CLCN3: variants seen among roughly 807,000 people sequenced by gnomAD.
The protein encoded by CLCN3 is H(+)/Cl(-) exchange transporter 3.
CLCN3 carries 16 observed loss-of-function variants against 83.4 expected under a neutral mutation model. The ratio of observed to expected loss-of-function variants is 0.19; its 90% CI spans 0.13 to 0.29. CLCN3 has a LOEUF of 0.29. CLCN3 is among the 10% of genes least tolerant of loss of function. The probability of loss-of-function intolerance (pLI) is 1.00; values close to 1 mark genes in which losing one functional copy is unlikely to be tolerated. For synonymous variants in CLCN3, 322 were observed against 346.2 expected, an observed-to-expected ratio of 0.93 and a Z score of 0.78; for missense variants, 544 against 1,006.0, an observed-to-expected ratio of 0.54 and a Z score of 6.21.
At chr4:169,643,510 G>A (rs150890364) in intron 2 of CLCN3, among the ~76,000 whole-genome samples, 327 of 152,170 alleles carry the variant, frequency 2.1e-3, no homozygotes, top group African/African-American at 7.2e-3. Context: ...GATTACAGGC[G>A]TGCACCACTG....
At chr4:169,636,426 T>G (rs1461070974) in intron 2 of CLCN3, among the ~76,000 whole-genome samples, 1 of 152,194 alleles carries the variant, frequency 6.6e-6, no homozygotes, top group East Asian at 1.9e-4. Context: ...AGTGAACATT[T>G]ATTATATAAC....
At chr4:169,702,902 C>T in intron 9 of CLCN3, 1 of 201,650 alleles carries the variant, frequency 5.0e-6, no homozygotes, top group Non-Finnish European at 1.1e-5. Flanking sequence ...TTCAGTTGTA[C>T]ACTTAGAGAC....
intron 12 of CLCN3, among the ~76,000 whole-genome samples, chr4:169,718,285 T>C (rs1451030362): frequency 1.3e-5 from 2 of 151,892 alleles, no homozygotes; most frequent in African/African-American, 4.8e-5. Context: ...TTTCCCGATC[T>C]TGTGGTAGTC....
At position 169,682,215 on chromosome 4, in the gene CLCN3, TATATA is replaced by T. The variant is rs144658106; in HGVS notation, c.318+2017_318+2021del. The stretch of plus-strand genomic sequence containing the variant: ...TGTGGATCTTTTAAATGTTGACACT[TATATA>T]ATATAATACAATATTTTAAAAATCA... On this transcript the variant is annotated intron_variant, in intron 3 of 12. Coordinates refer to ENST00000513761, the MANE Select transcript of CLCN3 (RefSeq NM_001829.4). Among the ~76,000 whole-genome samples, 1,177 of 152,272 alleles carry T rather than the reference TATATA, an allele frequency of 7.7e-3. 10 individuals are homozygous for T. The highest frequency in any genetic ancestry group is 0.027 in the African/African-American group (1,126 of 41,570).
chr4:169,633,488 TG>T (rs34795685), intron 1 of CLCN3, among the ~76,000 whole-genome samples: 11,277 of 152,242 alleles, frequency 0.074, 468 homozygotes, highest in African/African-American at 0.12. Context: ...AATAGCCTTT[TG>T]TGCCCAAGCC....
intron 1 of CLCN3, 38 bp downstream of exon 1, chr4:169,621,101 C>T: frequency 2.5e-6 from 1 of 395,324 alleles, no homozygotes; most frequent in Middle Eastern, 6.3e-4. Flanking sequence ...TGTCAGCTCT[C>T]CTGTTCACAG....
At chr4:169,715,118 T>C (rs1733375562) in intron 12 of CLCN3, among the ~76,000 whole-genome samples, 1 of 152,190 alleles carries the variant, frequency 6.6e-6, no homozygotes, top group Admixed American at 6.5e-5. Flanking sequence ...AATGTTATTC[T>C]GTTGAGTTAT....
chr4:169,697,131 T>C (rs1581262142), intron 8 of CLCN3, 58 bp from the exon 9 acceptor site: 1 of 1,256,800 alleles, frequency 8.0e-7, no homozygotes, highest in Admixed American at 2.6e-5. Flanking sequence ...TTATAATATA[T>C]CAGAAACATC....
intron 1 of CLCN3, among the ~76,000 whole-genome samples, chr4:169,623,439 A>G (rs1773155736): frequency 2.0e-5 from 3 of 152,184 alleles, no homozygotes; most frequent in Non-Finnish European, 4.4e-5. Context: ...ATGTTTTGAT[A>G]AATGTATATT....
chr4:169,674,225 A>G (rs2150232380), intron 2 of CLCN3, among the ~76,000 whole-genome samples: 1 of 152,320 alleles, frequency 6.6e-6, no homozygotes, highest in South Asian at 2.1e-4. Flanking sequence ...TTTGGAGAGT[A>G]CAATCCATAT....
intron 2 of CLCN3, among the ~76,000 whole-genome samples, chr4:169,655,725 T>C (rs1730863180): frequency 6.6e-6 from 1 of 152,116 alleles, no homozygotes; most frequent in Non-Finnish European, 1.5e-5. Flanking sequence ...AGTCTGGTCT[T>C]GAACTCCTGG....
chr4:169,660,531 G>T, intron 2 of CLCN3: 1 of 990,712 alleles, frequency 1.0e-6, no homozygotes, highest in Non-Finnish European at 1.3e-6. Context: ...ACTGGTTCTC[G>T]TTTGTCCTTT....
intron 3 of CLCN3, 30 bp downstream of exon 3, chr4:169,680,237 A>G: frequency 6.6e-7 from 1 of 1,525,500 alleles, no homozygotes. Context: ...ATTTTTAAAA[A>G]CATAGTGCAT....
At chr4:169,665,960 G>T (rs144948733) in intron 2 of CLCN3, among the ~76,000 whole-genome samples, 1 of 151,190 alleles carries the variant, frequency 6.6e-6, no homozygotes, top group African/African-American at 2.4e-5. Flanking sequence ...AGTTTAAGGC[G>T]CAGCAATTAA....
chr4:169,664,657 C>G (rs1188862547), intron 2 of CLCN3, among the ~76,000 whole-genome samples: 2 of 152,164 alleles, frequency 1.3e-5, no homozygotes, highest in African/African-American at 2.4e-5. Context: ...TAAAACAAAG[C>G]CTGTTTTTAA....
chr4:169,677,753 C>G (rs989392187), intron 2 of CLCN3, among the ~76,000 whole-genome samples: 3 of 152,204 alleles, frequency 2.0e-5, no homozygotes, highest in African/African-American at 4.8e-5. Flanking sequence ...ACTTCTTTCT[C>G]CATAGCTTTG....
In CLCN3 at chr4:169,720,091, T is replaced by A; in HGVS notation, c.*94T>A. 3.2e-6 allele frequency: 5 copies of A among 1,545,112 alleles called. No individual in the cohort carries two copies. Among genetic ancestry groups the A allele is most frequent in the Non-Finnish European group, 4.4e-6 (5 of 1,146,426 alleles). On this transcript the variant is annotated 3_prime_UTR_variant, in exon 13 of 13. Transcript: ENST00000513761. ...CCTGAGGGAGTCATCTACTTTTTTT[T>A]CCTCCTTTACAAAAAAAGAAAGGAA...
At chr4:169,655,489 G>A (rs759671347) in intron 2 of CLCN3, among the ~76,000 whole-genome samples, 1 of 152,106 alleles carries the variant, frequency 6.6e-6, no homozygotes, top group African/African-American at 2.4e-5. Flanking sequence ...TGATCATCGT[G>A]TGATGTTTTT....
chr4:169,693,319 C>A (rs1351395442), intron 7 of CLCN3, among the ~76,000 whole-genome samples: 1 of 152,114 alleles, frequency 6.6e-6, no homozygotes, highest in Non-Finnish European at 1.5e-5. Context: ...AATTGTGATT[C>A]CAGTACTTTA....
Sources: gnomAD v4.1 joint callset for allele counts (sites outside exome capture counted in the v4.1 genomes callset) on GRCh38, gnomAD v4.1.1 for gene constraint, MANE v1.5 for transcripts, NCBI Gene and HGNC (gene_info 2026-07-23, HGNC 2026-07-21) for gene names.